ICA1L: variants seen among roughly 807,000 people sequenced by gnomAD.
ICA1L encodes the protein islet cell autoantigen 1 like.
A neutral mutation model predicts 61.3 loss-of-function variants in ICA1L; 50 were observed. The observed-to-expected ratio is 0.82, with a 90% CI of 0.65 to 1.03. The LOEUF (loss-of-function observed/expected upper bound fraction) is 1.03, where lower values mean the gene tolerates loss of function less well. Ranked by LOEUF, ICA1L falls within the 50% of genes least tolerant of loss-of-function variation. The probability of loss-of-function intolerance (pLI) is 0.00; values close to 1 mark genes in which losing one functional copy is unlikely to be tolerated. For synonymous variants in ICA1L, 161 were observed against 191.3 expected, an observed-to-expected ratio of 0.84 and a Z score of 1.31; for missense variants, 508 against 556.7, an observed-to-expected ratio of 0.91 and a Z score of 0.88.
rs756643200 is a variant in ICA1L, at chr2:202,789,061, A to G, written c.1012T>C (p.Leu338=). The G allele has an allele frequency of 2.1e-5, 34 of 1,612,834 alleles. No homozygotes were observed. The South Asian group carries it at 2.8e-4, about 13-fold the overall frequency. ...NVAKDLPVDS[L]EGEDFEKEFS... ...TCCTTCTCAAAATCTTCTCCTTCCA[A>G]TGAATCTACAGGTAGATCTTTTGCA... is the stretch of plus-strand genomic sequence containing the variant. The change falls in exon 11 of 13, where the codon TTG becomes CTG. Residue 338 remains leucine (L), a synonymous_variant. Coordinates refer to ENST00000358299, the MANE Select transcript of ICA1L (RefSeq NM_001288622.3).
At chr2:202,780,197 G>A in intron 12 of ICA1L, among the ~76,000 whole-genome samples, 1 of 152,118 alleles carries the variant, frequency 6.6e-6, no homozygotes, top group East Asian at 1.9e-4. Context: ...TATTATAAAA[G>A]TGGTATTACA....
chr2:202,839,116 T>A (rs905349742), intron 1 of ICA1L, among the ~76,000 whole-genome samples: 1 of 152,164 alleles, frequency 6.6e-6, no homozygotes, highest in Non-Finnish European at 1.5e-5. Context: ...CTGCACCTGA[T>A]ATAATTATAT....
At chr2:202,806,092 G>C (rs1452717943) in intron 9 of ICA1L, among the ~76,000 whole-genome samples, 1 of 152,182 alleles carries the variant, frequency 6.6e-6, no homozygotes, top group Non-Finnish European at 1.5e-5. Flanking sequence ...ACTTCGGGAG[G>C]CTGAGCCGAA....
At chr2:202,837,770 G>T (rs556776766) in intron 1 of ICA1L, among the ~76,000 whole-genome samples, 2 of 151,460 alleles carry the variant, frequency 1.3e-5, no homozygotes, top group African/African-American at 4.8e-5. Context: ...GGCATTCATT[G>T]CTATAAACTT....
chr2:202,814,804 T>C lies in ICA1L; in HGVS notation c.784-20A>G, dbSNP rs747235099. On this transcript the variant is annotated intron_variant, in intron 7 of 12. Coordinates refer to ENST00000358299, the MANE Select transcript of ICA1L (RefSeq NM_001288622.3). ...TAGTTGCTAAAGATAAGAAAGTCAA[T>C]GTTAAGTATATAGAATGAATCTGTT... 4 of 1,492,836 alleles carry C rather than the reference T, an allele frequency of 2.7e-6. No individual in the cohort carries two copies. Among genetic ancestry groups the C allele is most frequent in the South Asian group, 2.3e-5 (2 of 87,740 alleles). The allele number at this position is 1,492,836 out of a possible 1,614,324, so 92.5% of individuals were successfully genotyped here.
Position 202,774,232 on chromosome 2 carries a change from C to G in ICA1L, c.*5301G>C. ...CCGGATCGAAGGCGCGGGGCGGCTC[C>G]TGAGTCTTCTCGCTCCTGTCGGCCA... On this transcript the variant is annotated 3_prime_UTR_variant, in exon 13 of 13. Coordinates refer to ENST00000358299, the MANE Select transcript of ICA1L (RefSeq NM_001288622.3). 1 of 1,549,072 alleles carries G rather than the reference C, an allele frequency of 6.5e-7. No individual in the cohort carries two copies. Among genetic ancestry groups the G allele is most frequent in the Non-Finnish European group, 8.7e-7 (1 of 1,146,290 alleles).
intron 1 of ICA1L, chr2:202,841,717 C>T: frequency 1.9e-6 from 1 of 514,448 alleles, no homozygotes; most frequent in Non-Finnish European, 3.8e-6. Context: ...TGCCGAAGGC[C>T]TGGGGGCCAG....
At chr2:202,786,298 G>A (rs1028397012) in intron 11 of ICA1L, among the ~76,000 whole-genome samples, 2 of 152,246 alleles carry the variant, frequency 1.3e-5, no homozygotes, top group South Asian at 4.1e-4. Context: ...TGTAATCCCA[G>A]CACTTTGGGA....
chr2:202,783,880 C>T (rs1343692623), intron 12 of ICA1L, among the ~76,000 whole-genome samples: 1 of 143,906 alleles, frequency 6.9e-6, no homozygotes, highest in Non-Finnish European at 1.5e-5. Context: ...TATTTCAGTT[C>T]AGAAGAAATT....
chr2:202,843,770 C>T (rs1003207973), intron 1 of ICA1L, among the ~76,000 whole-genome samples: 3 of 152,200 alleles, frequency 2.0e-5, no homozygotes, highest in African/African-American at 7.2e-5. Flanking sequence ...TGGGGTAAAG[C>T]CAAGATCTCT....
At chr2:202,821,575 T>C in intron 3 of ICA1L, 94 bp from the exon 4 acceptor site, 1 of 863,628 alleles carries the variant, frequency 1.2e-6, no homozygotes. Flanking sequence ...TAACTCTCTA[T>C]ACAAGATTTA....
intron 9 of ICA1L, among the ~76,000 whole-genome samples, chr2:202,799,731 T>C (rs144027831): frequency 6.6e-6 from 1 of 152,326 alleles, no homozygotes; most frequent in East Asian, 1.9e-4. Flanking sequence ...TTTTCCCTCA[T>C]ATTTTAATAG....
At chr2:202,791,034 G>C (rs1446511550) in intron 10 of ICA1L, among the ~76,000 whole-genome samples, 1 of 152,206 alleles carries the variant, frequency 6.6e-6, no homozygotes, top group Non-Finnish European at 1.5e-5. Context: ...GGAGGTTTTA[G>C]TAAAAGGCAA....
intron 1 of ICA1L, chr2:202,841,880 T>TA (rs1047410182): frequency 1.9e-5 from 5 of 265,338 alleles, no homozygotes; most frequent in African/African-American, 1.1e-4. Flanking sequence ...TTTTTTTAGA[T>TA]AGAGTTTTGT....
Position 202,778,693 on chromosome 2 carries a change from T to C in ICA1L, c.*840A>G, listed in dbSNP as rs1442694980. ...TCTCCCCTCATTTTATTTTCAGGAA[T>C]AATATAAATACTGCATACTACTATA... On this transcript the variant is annotated 3_prime_UTR_variant, in exon 13 of 13. Coordinates refer to ENST00000358299, the MANE Select transcript of ICA1L (RefSeq NM_001288622.3). The C allele has an allele frequency of 6.6e-6, 1 of 152,620 alleles. No individual in the cohort carries two copies. The highest frequency in any genetic ancestry group is 2.4e-5 in the African/African-American group (1 of 41,454). 9.5% of individuals were successfully genotyped at this position (152,620 alleles called of 1,614,324 possible). A position where few individuals can be genotyped will look rare whatever the true frequency, so the allele number is the denominator to read the frequency against.
rs1025069980 is a variant in ICA1L at position 202,805,110 on chromosome 2, G to T, written c.910+6636C>A. 5.9e-5 allele frequency among the ~76,000 whole-genome samples: 9 copies of T among 152,256 alleles called. No homozygotes were observed. In the South Asian group the frequency reaches 1.5e-3, roughly 25 times the overall value. ...AAATGAAGTGAAAGAAGCTAGACATGACAAGACCACATATTAGATGATTCT... is the reference window on the plus strand; with the variant it reads ...AAATGAAGTGAAAGAAGCTAGACATTACAAGACCACATATTAGATGATTCT... On this transcript the variant is annotated intron_variant, in intron 9 of 12. Transcript: ENST00000358299.
chr2:202,788,830 T>C lies in ICA1L; in HGVS notation c.1243A>G (p.Asn415Asp), dbSNP rs1274926412. ...GTCCAAATGTTTCATAGACACTTAC[T>C]GTTGAACGCTCCAGCCACATGAAAG... ...LGFHVAGAFNNWVSQEESELC... is the reference protein window; with the variant it reads ...LGFHVAGAFNDWVSQEESELC... Residue 415 changes from asparagine (N) to aspartate (D), a missense_variant and splice_region_variant, in exon 11 of 13, where the codon AAC becomes GAC. By Grantham distance (23) the Asn-to-Asp change is conservative. Transcript: ENST00000358299. 2 of 1,614,014 alleles carry C rather than the reference T, an allele frequency of 1.2e-6. No homozygotes were observed. The highest frequency in any genetic ancestry group is 1.7e-6 in the Non-Finnish European group (2 of 1,179,986).
Position 202,783,225 on chromosome 2 carries a change from A to C in ICA1L, c.1333+2693T>G, listed in dbSNP as rs372700699. 6.6e-5 allele frequency among the ~76,000 whole-genome samples: 10 copies of C among 152,362 alleles called. No individual in the cohort carries two copies. In the East Asian group the frequency reaches 1.2e-3, roughly 18 times the overall value. On this transcript the variant is annotated intron_variant, in intron 12 of 12. Transcript: ENST00000358299. Reference sequence around the variant, plus strand: ...CATGGAAGAATTATCAGTGAATGCTAAATTAGTGGGCAAAACTTCAGTAGA... The same window carrying C: ...CATGGAAGAATTATCAGTGAATGCTCAATTAGTGGGCAAAACTTCAGTAGA...
intron 1 of ICA1L, chr2:202,840,753 A>G: frequency 1.7e-6 from 1 of 590,746 alleles, no homozygotes; most frequent in South Asian, 1.5e-5. Context: ...TTAACAGCCA[A>G]CTCCCCACAC....
Sources: gnomAD v4.1 joint callset for allele counts (sites outside exome capture counted in the v4.1 genomes callset) on GRCh38, gnomAD v4.1.1 for gene constraint, MANE v1.5 for transcripts, NCBI Gene and HGNC (gene_info 2026-07-23, HGNC 2026-07-21) for gene names.